Variants in PPP6C observed in about 807,000 individuals in gnomAD.
The protein encoded by PPP6C is protein phosphatase 6 catalytic subunit, also known as serine/threonine-protein phosphatase 6 catalytic subunit.
PPP6C carries 11 observed loss-of-function variants against 39.8 expected under a neutral mutation model. The observed-to-expected ratio is 0.28, with a 90% CI of 0.17 to 0.46. The LOEUF (loss-of-function observed/expected upper bound fraction) is 0.46, where lower values mean the gene tolerates loss of function less well. Among genes scored for constraint, PPP6C ranks in the 20% least tolerant of loss-of-function variants. The pLI, the probability that PPP6C is intolerant of heterozygous loss-of-function variation, is 1.00. For missense variants in PPP6C, 211 were observed against 373.9 expected (o/e 0.56, Z 3.59); for synonymous variants, 129 against 130.3 (o/e 0.99, Z 0.07).
At chr9:125,153,043 C>T (rs560393440) in intron 6 of PPP6C, among the ~76,000 whole-genome samples, 4 of 151,626 alleles carry the variant, frequency 2.6e-5, no homozygotes, top group African/African-American at 7.3e-5. Flanking sequence ...GAGGCTGAGG[C>T]GGGTGGATCA....
At position 125,184,779 on chromosome 9, in the gene PPP6C, C is replaced by A. The variant is rs549205926; in HGVS notation, c.75+4865G>T. 2.0e-5 allele frequency among the ~76,000 whole-genome samples: 3 copies of A among 151,858 alleles called. No individual in the cohort carries two copies. The South Asian group carries it at 6.3e-4, about 32-fold the overall frequency. On this transcript the variant is annotated intron_variant, in intron 1 of 6. Transcript: ENST00000373547. ...CCTGAGGCCAGAAGTTCGAGACCAGCCTGGCCAACATGGTGAAACCCCATC... is the reference window on the plus strand; with the variant it reads ...CCTGAGGCCAGAAGTTCGAGACCAGACTGGCCAACATGGTGAAACCCCATC...
intron 2 of PPP6C, among the ~76,000 whole-genome samples, chr9:125,166,535 CTTT>C (rs1169190980): frequency 2.2e-5 from 3 of 134,452 alleles, no homozygotes; most frequent in Non-Finnish European, 3.2e-5. Context: ...TTTTCTTTTT[CTTT>C]TTTTTTTTTT....
At chr9:125,168,755 CTTATTTT>C (rs368790182) in intron 2 of PPP6C, among the ~76,000 whole-genome samples, 112 of 149,142 alleles carry the variant, frequency 7.5e-4, no homozygotes, top group Middle Eastern at 7.1e-3. Context: ...CCACACCCGG[CTTATTTT>C]TTATTTTTTA....
chr9:125,167,251 C>G (rs1330613796), intron 2 of PPP6C, among the ~76,000 whole-genome samples: 1 of 151,292 alleles, frequency 6.6e-6, no homozygotes, highest in Non-Finnish European at 1.5e-5. Flanking sequence ...CGTGGTGGTG[C>G]GTGCCTGTAG....
chr9:125,150,683 C>A, intron 6 of PPP6C: 1 of 970,498 alleles, frequency 1.0e-6, no homozygotes, highest in Non-Finnish European at 1.5e-6. Context: ...GCAGCTCCCA[C>A]CAGGGCTTAT....
chr9:125,189,625 GC>G lies in PPP6C; in HGVS notation c.75+18del. 1 of 1,612,586 alleles carries G rather than the reference GC, an allele frequency of 6.2e-7. No homozygotes were observed. The highest frequency in any genetic ancestry group is 1.3e-5 in the African/African-American group (1 of 74,870). On this transcript the variant is annotated intron_variant, in intron 1 of 6. Transcript: ENST00000373547. ...GGCGCCCCACAGCCGGAAGGGGCGA[GC>G]CCGCAAATAGGGCTCACCTTCAGGT...
chr9:125,183,797 C>T (rs1448906884), intron 1 of PPP6C, among the ~76,000 whole-genome samples: 2 of 152,182 alleles, frequency 1.3e-5, no homozygotes, highest in African/African-American at 4.8e-5. Context: ...TCTAAAGTTA[C>T]ATACTGCTTC....
intron 1 of PPP6C, among the ~76,000 whole-genome samples, chr9:125,181,828 T>C (rs1829427717): frequency 1.3e-5 from 2 of 152,236 alleles, no homozygotes; most frequent in African/African-American, 4.8e-5. Context: ...AGTAATGGGA[T>C]TGCTGGGCCA....
At chr9:125,182,045 A>C (rs1829431987) in intron 1 of PPP6C, among the ~76,000 whole-genome samples, 1 of 152,188 alleles carries the variant, frequency 6.6e-6, no homozygotes, top group South Asian at 2.1e-4. Context: ...GCATTTCTTT[A>C]ATGACCAGTG....
intron 3 of PPP6C, among the ~76,000 whole-genome samples, chr9:125,159,983 G>A (rs1287145747): frequency 1.3e-5 from 2 of 151,560 alleles, no homozygotes; most frequent in African/African-American, 4.9e-5. Flanking sequence ...TCGCACCACT[G>A]CACTCCAGCC....
chr9:125,150,845 T>C, intron 6 of PPP6C: 1 of 781,776 alleles, frequency 1.3e-6, no homozygotes, highest in Non-Finnish European at 2.3e-6. Context: ...TCAATGACAA[T>C]TTAATGGTGC....
intron 1 of PPP6C, chr9:125,188,920 T>C: frequency 6.5e-7 from 1 of 1,548,698 alleles, no homozygotes; most frequent in African/African-American, 1.4e-5. Context: ...GGAACTCACC[T>C]CCTTTAGAAA....
chr9:125,149,040 A>C lies in PPP6C; in HGVS notation c.*633T>G, dbSNP rs375592694. The C allele has an allele frequency of 5.9e-5, 9 of 152,358 alleles. No homozygotes were observed. In the East Asian group the frequency reaches 1.2e-3, roughly 20 times the overall value. The allele number at this position is 152,358 out of a possible 1,614,324, so 9.4% of individuals were successfully genotyped here. On this transcript the variant is annotated 3_prime_UTR_variant, in exon 7 of 7. Coordinates refer to ENST00000373547, the MANE Select transcript of PPP6C (RefSeq NM_002721.5). The stretch of plus-strand genomic sequence containing the variant: ...TTTATTAAAAAATACAAGGAATCTG[A>C]AAAAAGATCAATACAATTATCTTAA...
intron 1 of PPP6C, among the ~76,000 whole-genome samples, chr9:125,181,083 G>C (rs1038437877): frequency 1.3e-5 from 2 of 152,166 alleles, no homozygotes; most frequent in Admixed American, 1.3e-4. Context: ...TAGTTTGGCA[G>C]TAGCTTACAA....
intron 1 of PPP6C, among the ~76,000 whole-genome samples, chr9:125,173,419 A>C (rs1225320873): frequency 6.7e-6 from 1 of 149,378 alleles, no homozygotes; most frequent in African/African-American, 2.4e-5. Flanking sequence ...AAAAAAAAAA[A>C]AAAAAAAAAA....
chr9:125,183,284 C>T (rs1409453119), intron 1 of PPP6C, among the ~76,000 whole-genome samples: 2 of 152,138 alleles, frequency 1.3e-5, no homozygotes, highest in African/African-American at 4.8e-5. Context: ...CACAATGCTG[C>T]CAGAATAAAC....
At chr9:125,181,452 A>G (rs140532737) in intron 1 of PPP6C, among the ~76,000 whole-genome samples, 1 of 151,914 alleles carries the variant, frequency 6.6e-6, no homozygotes, top group Non-Finnish European at 1.5e-5. Context: ...ATCATCTACA[A>G]TCGGTATTTC....
rs190480652 is a variant in PPP6C, at chr9:125,150,619, G to A, written c.670-698C>T. ...TCTCTGCAGCAGCAGTGATCACTTA[G>A]TGAAGAGTGCTTAGGGTAGTTGGCC... On this transcript the variant is annotated intron_variant, in intron 6 of 6. Transcript: ENST00000373547. The A allele has an allele frequency of 5.5e-5, 51 of 919,660 alleles. No homozygotes were observed. The East Asian group carries it at 2.2e-3, about 40-fold the overall frequency. The allele number at this position is 919,660 out of a possible 1,614,324, so 57.0% of individuals were successfully genotyped here.
rs1362992862 is a variant in PPP6C, at chr9:125,153,810, C to A, written c.460-68G>T. The A allele has an allele frequency of 3.3e-6, 5 of 1,530,216 alleles. No individual in the cohort carries two copies. The African/African-American group carries it at 6.9e-5, about 21-fold the overall frequency. The allele number at this position is 1,530,216 out of a possible 1,614,324, so 94.8% of individuals were successfully genotyped here. On this transcript the variant is annotated intron_variant, in intron 5 of 6. Coordinates refer to ENST00000373547, the MANE Select transcript of PPP6C (RefSeq NM_002721.5). ...GCATATCTAAACTCATCAGTGAATA[C>A]TAAAGATATCAATATAATTGAGATG... is the stretch of plus-strand genomic sequence containing the variant.
Sources: gnomAD v4.1 joint callset for allele counts (sites outside exome capture counted in the v4.1 genomes callset) on GRCh38, gnomAD v4.1.1 for gene constraint, MANE v1.5 for transcripts, NCBI Gene and HGNC (gene_info 2026-07-23, HGNC 2026-07-21) for gene names.